TRAK2: variants seen among roughly 807,000 people sequenced by gnomAD.
The protein encoded by TRAK2 is trafficking kinesin-binding protein 2.
TRAK2 carries 81 observed loss-of-function variants against 104.6 expected under a neutral mutation model. That is an observed-to-expected ratio of 0.77 (90% CI 0.65 to 0.93). The LOEUF (loss-of-function observed/expected upper bound fraction) is 0.93, where lower values mean the gene tolerates loss of function less well. TRAK2 is among the 40% of genes least tolerant of loss of function. The pLI is 0.00. For synonymous variants in TRAK2, 406 were observed against 394.4 expected, an observed-to-expected ratio of 1.03 and a Z score of -0.35; for missense variants, 1,002 against 1,089.0, an observed-to-expected ratio of 0.92 and a Z score of 1.12.
chr2:201,433,890 C>T (rs1226500540), intron 1 of TRAK2, among the ~76,000 whole-genome samples: 8 of 152,090 alleles, frequency 5.3e-5, no homozygotes, highest in African/African-American at 1.4e-4. Context: ...CACATTTCTT[C>T]GCCTCTGGCT....
intron 1 of TRAK2, among the ~76,000 whole-genome samples, chr2:201,438,681 A>G (rs1951897081): frequency 6.6e-6 from 1 of 152,190 alleles, no homozygotes; most frequent in South Asian, 2.1e-4. Context: ...TCTCTACTCC[A>G]CTTTTTAAAA....
At chr2:201,385,766 C>T (rs898154535) in intron 14 of TRAK2, among the ~76,000 whole-genome samples, 1 of 152,144 alleles carries the variant, frequency 6.6e-6, no homozygotes, top group Non-Finnish European at 1.5e-5. Context: ...AAATTAGAGA[C>T]TTGAACAACT....
chr2:201,391,805 A>G (rs1011010150), intron 10 of TRAK2, among the ~76,000 whole-genome samples: 1 of 152,230 alleles, frequency 6.6e-6, no homozygotes, highest in African/African-American at 2.4e-5. Flanking sequence ...AATCATGAGG[A>G]TGCATCAGAC....
intron 1 of TRAK2, among the ~76,000 whole-genome samples, chr2:201,431,748 A>G (rs1951844105): frequency 6.6e-6 from 1 of 152,222 alleles, no homozygotes. Context: ...GCCAGTATTC[A>G]GCCTACCTCA....
chr2:201,402,812 T>G (rs1307951885), intron 3 of TRAK2, among the ~76,000 whole-genome samples: 2 of 152,182 alleles, frequency 1.3e-5, no homozygotes, highest in Non-Finnish European at 2.9e-5. Flanking sequence ...CAATGGCTCT[T>G]AAGTCCAGAT....
At chr2:201,422,584 T>G (rs767538407) in intron 1 of TRAK2, among the ~76,000 whole-genome samples, 1 of 152,148 alleles carries the variant, frequency 6.6e-6, no homozygotes, top group Non-Finnish European at 1.5e-5. Flanking sequence ...GGCAGAAGAA[T>G]AGAGAAGCAC....
intron 1 of TRAK2, among the ~76,000 whole-genome samples, chr2:201,428,211 G>A (rs969256267): frequency 6.6e-6 from 1 of 152,140 alleles, no homozygotes; most frequent in Non-Finnish European, 1.5e-5. Flanking sequence ...TATTGCCATT[G>A]CTTTTGGTGT....
chr2:201,410,821 G>C (rs1300987206), intron 2 of TRAK2: 28 of 1,606,650 alleles, frequency 1.7e-5, no homozygotes, highest in Non-Finnish European at 2.1e-5. Context: ...ATTAAGGGCA[G>C]ACATATCTGT....
At chr2:201,383,438 A>G (rs536713245) in intron 15 of TRAK2, among the ~76,000 whole-genome samples, 1 of 152,168 alleles carries the variant, frequency 6.6e-6, no homozygotes, top group Non-Finnish European at 1.5e-5. Context: ...AACTCTGTTG[A>G]ACTGAGTTCA....
In TRAK2 at chr2:201,398,233, A is replaced by C. The variant is rs753390884; in HGVS notation, c.602T>G (p.Phe201Cys). The C allele has an allele frequency of 1.2e-6, 2 of 1,613,804 alleles. No individual in the cohort carries two copies. The highest frequency in any genetic ancestry group is 1.7e-4 in the Middle Eastern group (1 of 6,060). ...CTGCAGCAACCCTTGAGATAAGCTA[A>C]AGGACTCATTGAACCGAAGAGGTGT... Reference protein sequence around the residue: ...CSTPLRFNESFSLSQGLLQLE... With the variant: ...CSTPLRFNESCSLSQGLLQLE... Residue 201 changes from phenylalanine (F) to cysteine (C), a missense_variant, in exon 6 of 16, where the codon TTT (phenylalanine) becomes TGT (cysteine). Phe to Cys is a radical substitution (Grantham distance 205). Transcript: ENST00000332624.
intron 15 of TRAK2, among the ~76,000 whole-genome samples, chr2:201,383,742 C>A (rs1020059466): frequency 7.2e-5 from 11 of 152,174 alleles, no homozygotes; most frequent in African/African-American, 2.7e-4. Context: ...GTTTTGGGAA[C>A]CCTCTGCACT....
At chr2:201,394,575 A>G (rs1183962429) in intron 9 of TRAK2, among the ~76,000 whole-genome samples, 2 of 152,078 alleles carry the variant, frequency 1.3e-5, no homozygotes, top group African/African-American at 4.8e-5. Context: ...TCCTGACCTC[A>G]GGTGATCCAC....
At chr2:201,403,529 T>TAC (rs1259609035) in intron 3 of TRAK2, among the ~76,000 whole-genome samples, 2 of 152,164 alleles carry the variant, frequency 1.3e-5, no homozygotes, top group Non-Finnish European at 2.9e-5. Context: ...TACCAGCATA[T>TAC]ACACCTGTGA....
At chr2:201,397,437 G>A (rs531163181) in intron 7 of TRAK2, 65 bp downstream of exon 7, 14 of 1,102,932 alleles carry the variant, frequency 1.3e-5, no homozygotes, top group South Asian at 3.0e-5. Flanking sequence ...TCTAACTTCC[G>A]AGGTGGAGAT....
intron 2 of TRAK2, among the ~76,000 whole-genome samples, chr2:201,409,092 C>T (rs1008359042): frequency 6.6e-6 from 1 of 152,172 alleles, no homozygotes. Context: ...TGAGTCCTGA[C>T]TCTGCATATA....
intron 5 of TRAK2, 152 bp downstream of exon 5, chr2:201,399,225 C>A: frequency 1.8e-6 from 1 of 541,472 alleles, no homozygotes; most frequent in Non-Finnish European, 3.3e-6. Flanking sequence ...CATTTAATTT[C>A]TCTACTGATT....
At chr2:201,400,129 A>C (rs1035265562) in intron 4 of TRAK2, among the ~76,000 whole-genome samples, 2 of 101,352 alleles carry the variant, frequency 2.0e-5, no homozygotes, top group African/African-American at 5.7e-5. Flanking sequence ...AAGAAGTCTC[A>C]AGAAGCTGGT....
chr2:201,395,209 G>C, intron 8 of TRAK2, 105 bp downstream of exon 8: 1 of 967,350 alleles, frequency 1.0e-6, no homozygotes, highest in Non-Finnish European at 1.5e-6. Flanking sequence ...ATTTTAAAAG[G>C]GCAGGGACAA....
intron 11 of TRAK2, 45 bp from the exon 12 acceptor site, chr2:201,389,548 A>C: frequency 6.5e-7 from 1 of 1,538,112 alleles, no homozygotes; most frequent in Non-Finnish European, 8.9e-7. Flanking sequence ...CTAGCCACTA[A>C]AGCATCTAGA....
Sources: gnomAD v4.1 joint callset for allele counts (sites outside exome capture counted in the v4.1 genomes callset) on GRCh38, gnomAD v4.1.1 for gene constraint, MANE v1.5 for transcripts, NCBI Gene and HGNC (gene_info 2026-07-23, HGNC 2026-07-21) for gene names.